The following CCNB2 variants were observed in gnomAD, a reference collection of about 807,000 sequenced individuals.
CCNB2 encodes the protein G2/mitotic-specific cyclin-B2.
A neutral mutation model predicts 51.1 loss-of-function variants in CCNB2; 39 were observed. The observed-to-expected ratio is 0.76, with a 90% CI of 0.59 to 1.00. The LOEUF (loss-of-function observed/expected upper bound fraction) is 1.00. Among genes scored for constraint, CCNB2 ranks in the 50% least tolerant of loss-of-function variants. The probability of loss-of-function intolerance (pLI) is 0.00; values close to 1 mark genes in which losing one functional copy is unlikely to be tolerated. For missense variants in CCNB2, 472 were observed against 470.3 expected (o/e 1.00, Z -0.03); for synonymous variants, 174 against 165.5 (o/e 1.05, Z -0.40).
At chr15:59,110,384 C>T (rs1285867351) in intron 3 of CCNB2, among the ~76,000 whole-genome samples, 3 of 152,214 alleles carry the variant, frequency 2.0e-5, no homozygotes, top group Non-Finnish European at 4.4e-5. Context: ...AATTCAAATA[C>T]ATTTCCCTCT....
chr15:59,122,630 G>A (rs1310730879), intron 7 of CCNB2, among the ~76,000 whole-genome samples: 1 of 149,234 alleles, frequency 6.7e-6, no homozygotes, highest in East Asian at 2.0e-4. Flanking sequence ...TCAAACTTCT[G>A]GGCTCAAGCA....
chr15:59,122,311 C>T (rs1440587951), intron 7 of CCNB2, among the ~76,000 whole-genome samples: 1 of 118,000 alleles, frequency 8.5e-6, no homozygotes, highest in Non-Finnish European at 1.6e-5. Flanking sequence ...TGCAGTGGTG[C>T]GATCTCAGCT....
rs201177056 is a variant in CCNB2, at chr15:59,116,699, G to A, written c.607G>A (p.Val203Ile). ...ATTAATTTTCCATTAGGTTCAGCCA[G>A]TTTCCCGGAAGAAGCTTCAATTAGT... is the stretch of plus-strand genomic sequence containing the variant. ...IMDRFLQVQP[V>I]SRKKLQLVGI... The change falls in exon 6 of 9, where the codon GTT becomes ATT. Residue 203 changes from valine to isoleucine, a missense_variant. By Grantham distance (29) the Val-to-Ile change is conservative. Transcript: ENST00000288207. 4 of 1,609,546 alleles carry A rather than the reference G, an allele frequency of 2.5e-6. No homozygotes were observed. Among genetic ancestry groups the A allele is most frequent in the Admixed American group, 3.3e-5 (2 of 59,944 alleles).
intron 8 of CCNB2, chr15:59,124,480 C>T: frequency 2.5e-6 from 1 of 407,704 alleles, no homozygotes; most frequent in Non-Finnish European, 4.5e-6. Context: ...AACACAGCTC[C>T]CCCTCCCATC....
chr15:59,114,858 T>C lies in CCNB2; in HGVS notation c.579T>C (p.Ile193=). 6.2e-7 allele frequency: 1 copy of C among 1,613,204 alleles called. No individual in the cohort carries two copies. Among genetic ancestry groups the C allele is most frequent in the Non-Finnish European group, 8.5e-7 (1 of 1,179,296 alleles). ...LQETLYMCVG[I]MDRFLQVQPV... ...AGACTCTGTACATGTGCGTTGGCAT[T>C]ATGGATCGATTTTTACAGGTAGGTG... is the stretch of plus-strand genomic sequence containing the variant. The change falls in exon 5 of 9, where the codon ATT becomes ATC. Residue 193 remains isoleucine (I), a synonymous_variant. Coordinates refer to ENST00000288207, the MANE Select transcript of CCNB2 (RefSeq NM_004701.4).
chr15:59,111,622 G>A (rs78382980), intron 3 of CCNB2, among the ~76,000 whole-genome samples: 1 of 152,128 alleles, frequency 6.6e-6, no homozygotes, highest in Non-Finnish European at 1.5e-5. Context: ...TAGAAGCTCG[G>A]CTGTTGTTCA....
At chr15:59,105,871 G>A (rs1202870022) in intron 1 of CCNB2, among the ~76,000 whole-genome samples, 4 of 152,172 alleles carry the variant, frequency 2.6e-5, no homozygotes, top group Admixed American at 2.6e-4. Context: ...AAATGGGTTT[G>A]TCCCCTTAAA....
chr15:59,121,864 A>G (rs2079303110), intron 7 of CCNB2, among the ~76,000 whole-genome samples: 1 of 142,818 alleles, frequency 7.0e-6, no homozygotes, highest in African/African-American at 2.6e-5. Context: ...CCCGGAAGGT[A>G]GACGTTGCAG....
rs747798834 is a variant in CCNB2 at position 59,124,839 on chromosome 15, G to C, written c.1159G>C (p.Val387Leu). ...GATCCCTCAGCTGAACTCAAAAGCC[G>C]TCAAAGACCTTGCCTCCCCACTGAT... ...SMIPQLNSKAVKDLASPLIGR... is the reference protein window; with the variant it reads ...SMIPQLNSKALKDLASPLIGR... The change falls in exon 9 of 9, where the codon GTC (valine) becomes CTC (leucine). Residue 387 changes from valine to leucine, a missense_variant. Transcript: ENST00000288207. 1 of 1,607,008 alleles carries C rather than the reference G, an allele frequency of 6.2e-7. No homozygotes were observed. Among genetic ancestry groups the C allele is most frequent in the Non-Finnish European group, 8.5e-7 (1 of 1,176,632 alleles).
intron 7 of CCNB2, chr15:59,120,930 T>G (rs1472620813): frequency 6.6e-6 from 1 of 152,202 alleles, no homozygotes; most frequent in African/African-American, 2.4e-5. Context: ...CAGTAAGATG[T>G]ATACATTATC....
chr15:59,106,090 T>A (rs2079234736), intron 1 of CCNB2, among the ~76,000 whole-genome samples: 1 of 152,202 alleles, frequency 6.6e-6, no homozygotes, highest in East Asian at 1.9e-4. Context: ...CTGACACACC[T>A]GAGTTCCATC....
intron 7 of CCNB2, among the ~76,000 whole-genome samples, chr15:59,118,835 C>T (rs1448346092): frequency 6.6e-6 from 1 of 152,224 alleles, no homozygotes; most frequent in African/African-American, 2.4e-5. Context: ...CAGGACAGAT[C>T]AGCTGTGGTT....
At chr15:59,116,134 C>T (rs1357560688) in intron 5 of CCNB2, 1 of 152,090 alleles carries the variant, frequency 6.6e-6, no homozygotes, top group African/African-American at 2.4e-5. Context: ...GCCTGAGAGT[C>T]TGCCTGACTC....
chr15:59,116,107 G>A (rs527675096), intron 5 of CCNB2: 1 of 152,292 alleles, frequency 6.6e-6, no homozygotes, highest in African/African-American at 2.4e-5. Context: ...AGCAATTAAG[G>A]GAAACGCTTT....
At chr15:59,124,379 CTCTTTTATTG>C (rs3833816) in intron 8 of CCNB2, 8,117 of 222,732 alleles carry the variant, frequency 0.036, 390 homozygotes, top group African/African-American at 0.13. Flanking sequence ...AGTTGCCACC[CTCTTTTATTG>C]TCTTTTATTG....
intron 5 of CCNB2, chr15:59,115,490 TAGAAG>T (rs1443241036): frequency 1.3e-5 from 2 of 152,342 alleles, no homozygotes; most frequent in South Asian, 2.1e-4. Context: ...CCTGACCTGT[TAGAAG>T]AGACAGCAGA....
intron 7 of CCNB2, chr15:59,121,411 G>T (rs1303784930): frequency 6.6e-6 from 1 of 152,176 alleles, no homozygotes; most frequent in Non-Finnish European, 1.5e-5. Flanking sequence ...CGCTCTCCCA[G>T]TTTTCTGAGA....
chr15:59,124,367 C>A, intron 8 of CCNB2: 1 of 221,244 alleles, frequency 4.5e-6, no homozygotes, highest in South Asian at 5.9e-5. Flanking sequence ...TTGTTAAGCA[C>A]TAGTTGCCAC....
In CCNB2 at chr15:59,123,694, G is replaced by A. The variant is rs537037874; in HGVS notation, c.1086+67G>A. 8.7e-5 allele frequency: 56 copies of A among 641,696 alleles called. 3 individuals are homozygous for A. Among genetic ancestry groups the A allele is most frequent in the South Asian group, 6.7e-4 (38 of 56,502 alleles). The allele number at this position is 641,696 out of a possible 1,614,324, so 39.8% of individuals were successfully genotyped here. The stretch of plus-strand genomic sequence containing the variant: ...TCTGGGTTTTGTGTGTATGTTGGGC[G>A]GGGGGGGGCGGTGTGTGCCGTCATG... On this transcript the variant is annotated intron_variant, in intron 8 of 8. Transcript: ENST00000288207.
Sources: allele counts gnomAD v4.1 joint callset (sites outside exome capture counted in the v4.1 genomes callset), GRCh38; gene constraint gnomAD v4.1.1; transcripts MANE v1.5; gene names NCBI Gene and HGNC (gene_info 2026-07-23, HGNC 2026-07-21).